The following HMGN2 variants were observed in gnomAD, a reference collection of about 807,000 sequenced individuals.
HMGN2 encodes high mobility group nucleosomal binding domain 2.
Under a neutral mutation model 16.9 loss-of-function variants are expected in HMGN2, and 2 were observed. The ratio of observed to expected loss-of-function variants is 0.12; its 90% confidence interval spans 0.05 to 0.37. The LOEUF (loss-of-function observed/expected upper bound fraction) is 0.37. Among genes scored for constraint, HMGN2 ranks in the 10% least tolerant of loss-of-function variants. HMGN2 has a pLI of 1.00. For missense variants in HMGN2, 90 were observed against 106.0 expected, an observed-to-expected ratio of 0.85 and a Z score of 0.66; for synonymous variants, 31 against 34.9, an observed-to-expected ratio of 0.89 and a Z score of 0.39.
intron 1 of HMGN2, chr1:26,473,163 C>A: frequency 2.9e-6 from 1 of 350,070 alleles, no homozygotes; most frequent in Non-Finnish European, 5.2e-6. Context: ...CCCTCGACGG[C>A]TGCCATAGCA....
At chr1:26,474,238 A>T in intron 4 of HMGN2, 103 bp downstream of exon 4, 3 of 819,898 alleles carry the variant, frequency 3.7e-6, no homozygotes, top group Non-Finnish European at 5.9e-6. Context: ...GAGGTTATAA[A>T]CTGTGTGGAT....
intron 3 of HMGN2, 49 bp from the exon 4 acceptor site, chr1:26,474,036 A>G (rs2075592636): frequency 2.0e-6 from 3 of 1,494,104 alleles, no homozygotes; most frequent in Non-Finnish European, 1.8e-6. Flanking sequence ...GGTTTTCTTC[A>G]GTCCATTGTA....
At chr1:26,475,041 G>A (rs1335808434) in intron 5 of HMGN2, 72 bp from the exon 6 acceptor site, 7 of 1,240,078 alleles carry the variant, frequency 5.6e-6, no homozygotes, top group Non-Finnish European at 7.1e-6. Flanking sequence ...GCAAAGTGAT[G>A]CTGTAGGTGG....
rs899925749 is a variant in HMGN2, at chr1:26,473,823, T to C, written c.90+91T>C. On this transcript the variant is annotated intron_variant, in intron 3 of 5. Coordinates refer to ENST00000361427, the MANE Select transcript of HMGN2 (RefSeq NM_005517.4). ...CTTTGCTTCCATGAATTATGGTTAG[T>C]GCCTGGTTTTGAATCATTGCCTCTA... 8.3e-6 allele frequency: 11 copies of C among 1,323,640 alleles called. No individual in the cohort carries two copies. The African/African-American group carries it at 1.6e-4, about 19-fold the overall frequency. The allele number at this position is 1,323,640 out of a possible 1,614,324, so 82.0% of individuals were successfully genotyped here.
chr1:26,473,388 C>A lies in HMGN2; in HGVS notation c.16-95C>A. On this transcript the variant is annotated intron_variant, in intron 1 of 5. Transcript: ENST00000361427. ...TTATGTCCTAGAAAAGTTGTGTGGACGACTGCTTTAATTTTCATTTTTAGC... is the reference window on the plus strand; with the variant it reads ...TTATGTCCTAGAAAAGTTGTGTGGAAGACTGCTTTAATTTTCATTTTTAGC... 3 of 889,326 alleles carry A rather than the reference C, an allele frequency of 3.4e-6. No individual in the cohort carries two copies. In the South Asian group the frequency reaches 4.2e-5, roughly 12 times the overall value. 55.1% of individuals were successfully genotyped at this position (889,326 alleles called of 1,614,324 possible). A position where few individuals can be genotyped will look rare whatever the true frequency, so the allele number is the denominator to read the frequency against.
intron 3 of HMGN2, 90 bp from the exon 4 acceptor site, chr1:26,473,995 C>A: frequency 9.0e-7 from 1 of 1,114,580 alleles, no homozygotes; most frequent in Non-Finnish European, 1.3e-6. Context: ...AGAAACTTCT[C>A]TACCCTTGGT....
Position 26,475,881 on chromosome 1 carries a change from T to C in HMGN2, c.*733T>C, listed in dbSNP as rs1176934226. Reference sequence around the variant, plus strand: ...AGGGAGTTTGAAAGTTGTTGTATACTGTTAACGATTGTCTGCCCATGTCCT... The same window carrying C: ...AGGGAGTTTGAAAGTTGTTGTATACCGTTAACGATTGTCTGCCCATGTCCT... On this transcript the variant is annotated 3_prime_UTR_variant, in exon 6 of 6. Transcript: ENST00000361427. The C allele has an allele frequency of 3.9e-6, 1 of 258,894 alleles. No homozygotes were observed. The highest frequency in any genetic ancestry group is 2.3e-5 in the African/African-American group (1 of 42,896). The allele number at this position is 258,894 out of a possible 1,614,324, so 16.0% of individuals were successfully genotyped here.
intron 1 of HMGN2, chr1:26,473,201 GGTTT>G (rs750513743): frequency 6.5e-6 from 3 of 458,114 alleles, no homozygotes; most frequent in Admixed American, 8.0e-5. Flanking sequence ...CTCCGGAGGG[GGTTT>G]GTTTGCGCCA....
chr1:26,472,725 G>C (rs2075579007), intron 1 of HMGN2, 98 bp downstream of exon 1: 1 of 1,087,420 alleles, frequency 9.2e-7, no homozygotes, highest in African/African-American at 1.7e-5. Flanking sequence ...CCGAGCAGGA[G>C]CCAGCGCAGC....
intron 3 of HMGN2, 39 bp downstream of exon 3, chr1:26,473,771 A>C (rs752542491): frequency 1.1e-5 from 17 of 1,593,690 alleles, no homozygotes; most frequent in Non-Finnish European, 1.3e-5. Flanking sequence ...TTGTCCCTGA[A>C]ACTAAAAAAC....
At chr1:26,473,111 C>A (rs1485787818) in intron 1 of HMGN2, 1 of 270,582 alleles carries the variant, frequency 3.7e-6, no homozygotes, top group Admixed American at 5.4e-5. Flanking sequence ...CGCGCTGTCG[C>A]CGCCCACGAG....
chr1:26,474,613 T>A lies in HMGN2; in HGVS notation c.183T>A (p.Asp61Glu), dbSNP rs1433016320. The A allele has an allele frequency of 1.3e-6, 2 of 1,598,484 alleles. No individual in the cohort carries two copies. Among genetic ancestry groups the A allele is most frequent in the South Asian group, 2.2e-5 (2 of 90,234 alleles). The change falls in exon 5 of 6, where the codon GAT becomes GAA. Residue 61 changes from aspartate to glutamate, a missense_variant. Coordinates refer to ENST00000361427, the MANE Select transcript of HMGN2 (RefSeq NM_005517.4). ...CCAAAGGGAAAAAGGGAAAAGCTGA[T>A]GCTGGCAAGGAGGGGAATAACCCTG... is the stretch of plus-strand genomic sequence containing the variant. ...KVPKGKKGKA[D>E]AGKEGNNPAE...
intron 3 of HMGN2, 86 bp from the exon 4 acceptor site, chr1:26,473,999 C>A: frequency 8.8e-7 from 1 of 1,136,560 alleles, no homozygotes; most frequent in Non-Finnish European, 1.3e-6. Context: ...ACTTCTCTAC[C>A]CTTGGTACTT....
At position 26,474,553 on chromosome 1, in the gene HMGN2, A is replaced by AT. The variant is rs764313661; in HGVS notation, c.142-13dup. Reference sequence around the variant, plus strand: ...ATACGAAATGGGGAGAAACAGTTCTATTTTTTCCCCTTTTTCAGAAGGGAG... The same window carrying AT: ...ATACGAAATGGGGAGAAACAGTTCTATTTTTTTCCCCTTTTTCAGAAGGGAG... On this transcript the variant is annotated intron_variant, in intron 4 of 5. Transcript: ENST00000361427. 2.4e-6 allele frequency: 3 copies of AT among 1,240,514 alleles called. No individual in the cohort carries two copies. The highest frequency in any genetic ancestry group is 1.5e-5 in the African/African-American group (1 of 67,756). 76.8% of individuals were successfully genotyped at this position (1,240,514 alleles called of 1,614,324 possible). A position where few individuals can be genotyped will look rare whatever the true frequency, so the allele number is the denominator to read the frequency against.
chr1:26,475,053 A>G, intron 5 of HMGN2, 60 bp from the exon 6 acceptor site: 1 of 1,363,286 alleles, frequency 7.3e-7, no homozygotes, highest in Non-Finnish European at 1.0e-6. Flanking sequence ...TGTAGGTGGA[A>G]TGTGAACACA....
In HMGN2 at chr1:26,474,611, G is replaced by C. The variant is rs1265667994; in HGVS notation, c.181G>C (p.Asp61His). The change falls in exon 5 of 6, where the codon GAT (aspartate) becomes CAT (histidine). Residue 61 changes from aspartate (D) to histidine (H), a missense_variant. Asp to His is a moderately conservative substitution (Grantham distance 81). Coordinates refer to ENST00000361427, the MANE Select transcript of HMGN2 (RefSeq NM_005517.4). ...ACCCAAAGGGAAAAAGGGAAAAGCTGATGCTGGCAAGGAGGGGAATAACCC... is the reference window on the plus strand; with the variant it reads ...ACCCAAAGGGAAAAAGGGAAAAGCTCATGCTGGCAAGGAGGGGAATAACCC... ...KVPKGKKGKA[D>H]AGKEGNNPAE... The C allele has an allele frequency of 1.3e-6, 2 of 1,597,662 alleles. No homozygotes were observed. Among genetic ancestry groups the C allele is most frequent in the East Asian group, 4.5e-5 (2 of 44,782 alleles).
At chr1:26,473,268 C>G (rs1408755051) in intron 1 of HMGN2, 7 of 574,350 alleles carry the variant, frequency 1.2e-5, no homozygotes, top group East Asian at 2.9e-5. Flanking sequence ...GCTGCCCTCC[C>G]CGGCTGCGCT....
chr1:26,473,086 C>T (rs1411613297), intron 1 of HMGN2: 1 of 252,416 alleles, frequency 4.0e-6, no homozygotes, highest in Non-Finnish European at 7.6e-6. Flanking sequence ...GCCCACGTTC[C>T]CCGCGCACGA....
In HMGN2 at chr1:26,476,182, G is replaced by C. The variant is rs905315936; in HGVS notation, c.*1034G>C. Among the ~76,000 whole-genome samples the C allele has an allele frequency of 1.3e-5, 2 of 152,176 alleles. No homozygotes were observed. The highest frequency in any genetic ancestry group is 3.8e-4 in the East Asian group (2 of 5,198). ...CTGATGGTGAAAGGCTGGGAGTATG[G>C]AGTGATTTCTGTACTTGGTTATGCA... On this transcript the variant is annotated 3_prime_UTR_variant, in exon 6 of 6. Coordinates refer to ENST00000361427, the MANE Select transcript of HMGN2 (RefSeq NM_005517.4).
Sources: gnomAD v4.1 joint callset for allele counts (sites outside exome capture counted in the v4.1 genomes callset) on GRCh38, gnomAD v4.1.1 for gene constraint, MANE v1.5 for transcripts, NCBI Gene and HGNC (gene_info 2026-07-23, HGNC 2026-07-21) for gene names.